Variants in MN1 observed in about 807,000 individuals in gnomAD.
MN1 encodes transcriptional activator MN1.
In MN1, 19 loss-of-function variants were observed where a neutral mutation model predicts 86.9. The ratio of observed to expected loss-of-function variants is 0.22; its 90% CI spans 0.15 to 0.32. The LOEUF is 0.32. MN1 is among the 10% of genes least tolerant of loss of function. The pLI, the probability that MN1 is intolerant of heterozygous loss-of-function variation, is 1.00. For synonymous variants in MN1, 928 were observed against 849.6 expected (o/e 1.09, Z -1.60); for missense variants, 1,841 against 1,862.0 (o/e 0.99, Z 0.21).
At chr22:27,792,345 T>C (rs13054844) in intron 1 of MN1, among the ~76,000 whole-genome samples, 2 of 133,070 alleles carry the variant, frequency 1.5e-5, no homozygotes, top group African/African-American at 5.6e-5. Context: ...TATATATATA[T>C]ATATATGAAT....
chr22:27,775,039 C>T (rs894217269), intron 1 of MN1, among the ~76,000 whole-genome samples: 1 of 152,232 alleles, frequency 6.6e-6, no homozygotes, highest in South Asian at 2.1e-4. Flanking sequence ...ATGTCTCATG[C>T]TGAGGAGCAG....
chr22:27,772,266 G>A (rs2073279245), intron 1 of MN1, among the ~76,000 whole-genome samples: 2 of 152,348 alleles, frequency 1.3e-5, no homozygotes, highest in African/African-American at 4.8e-5. Context: ...CTGCCTCGCT[G>A]TGTCTCAGCA....
chr22:27,765,552 AC>A (rs1350609397), intron 1 of MN1, among the ~76,000 whole-genome samples: 2 of 152,080 alleles, frequency 1.3e-5, no homozygotes, highest in African/African-American at 4.8e-5. Context: ...GCCTCTGAGG[AC>A]CCCCGTGTGG....
At chr22:27,785,353 G>A (rs1188054341) in intron 1 of MN1, among the ~76,000 whole-genome samples, 2 of 152,340 alleles carry the variant, frequency 1.3e-5, no homozygotes, top group Non-Finnish European at 2.9e-5. Context: ...AACACAGGCA[G>A]GGATGGGGCC....
chr22:27,751,272 C>T (rs1444742902), intron 1 of MN1, among the ~76,000 whole-genome samples, 176 bp from the exon 2 acceptor site: 1 of 152,156 alleles, frequency 6.6e-6, no homozygotes, highest in Non-Finnish European at 1.5e-5. Flanking sequence ...TTGCTGTTAC[C>T]CCTGATTCAT....
chr22:27,776,642 C>A (rs914932377), intron 1 of MN1, among the ~76,000 whole-genome samples: 12 of 152,012 alleles, frequency 7.9e-5, no homozygotes, highest in Non-Finnish European at 1.2e-4. Flanking sequence ...TGGTTCTGGC[C>A]TCCCCACTTT....
At position 27,798,483 on chromosome 22, in the gene MN1, G is replaced by T; in HGVS notation, c.2061C>A (p.Pro687=). 6.4e-7 allele frequency: 1 copy of T among 1,559,450 alleles called. No individual in the cohort carries two copies. The highest frequency in any genetic ancestry group is 8.6e-7 in the Non-Finnish European group (1 of 1,162,892). ...GCAGCGCGGGCACGTGGCCCTCTCC[G>T]GGCATCCTCATCGGCTCCTGCAGAG... The part of the protein sequence containing the change: ...RGPLQEPMRM[P]GEGHVPALPS... Residue 687 remains proline (P), a synonymous_variant, in exon 1 of 2, where the codon CCC becomes CCA. Coordinates refer to ENST00000302326, the MANE Select transcript of MN1 (RefSeq NM_002430.3).
rs1280161219 is a variant in MN1, at chr22:27,801,435, G to A, written c.-892C>T. 1 of 207,564 alleles carries A rather than the reference G, an allele frequency of 4.8e-6. No homozygotes were observed. Among genetic ancestry groups the A allele is most frequent in the African/African-American group, 2.3e-5 (1 of 43,728 alleles). 12.9% of individuals were successfully genotyped at this position (207,564 alleles called of 1,614,324 possible). On this transcript the variant is annotated 5_prime_UTR_variant, in exon 1 of 2. Transcript: ENST00000302326. ...CCGGAGTCTCCGCGCACCGTTGCAG[G>A]CGCGGGAGGGCAGCGAGACGAGGGG...
At chr22:27,771,546 TGAAAAAAAGTCAAAA>T (rs1932916508) in intron 1 of MN1, among the ~76,000 whole-genome samples, 1 of 152,066 alleles carries the variant, frequency 6.6e-6, no homozygotes, top group South Asian at 2.1e-4. Flanking sequence ...TTTTAATGGT[TGAAAAAAAGTCAAAA>T]GAAGATACTT....
chr22:27,768,219 T>A (rs190687436), intron 1 of MN1, among the ~76,000 whole-genome samples: 3 of 152,260 alleles, frequency 2.0e-5, no homozygotes, highest in African/African-American at 4.8e-5. Flanking sequence ...AACACCTTCA[T>A]GTTTCCTGGA....
chr22:27,797,529 G>T lies in MN1; in HGVS notation c.3015C>A (p.Leu1005=). The change falls in exon 1 of 2, where the codon CTC becomes CTA. Residue 1005 remains leucine (L), a synonymous_variant. Transcript: ENST00000302326. Reference sequence around the variant, plus strand: ...CCCCCTTCCCCCAGGATGGCGACGTGAGCGCCTTTTCGTGGGGCGTCGGTG... The same window carrying T: ...CCCCCTTCCCCCAGGATGGCGACGTTAGCGCCTTTTCGTGGGGCGTCGGTG... The part of the protein sequence containing the change: ...RGAPTPHEKA[L]TSPSWGKGAE... 6.2e-7 allele frequency: 1 copy of T among 1,608,392 alleles called. No homozygotes were observed. Among genetic ancestry groups the T allele is most frequent in the Non-Finnish European group, 8.5e-7 (1 of 1,178,354 alleles).
Position 27,800,702 on chromosome 22 carries a change from CG to C in MN1, c.-160del. The C allele has an allele frequency of 1.2e-6, 1 of 813,152 alleles. No individual in the cohort carries two copies. The highest frequency in any genetic ancestry group is 1.9e-6 in the Non-Finnish European group (1 of 520,282). 50.4% of individuals were successfully genotyped at this position (813,152 alleles called of 1,614,324 possible). ...CCTCCACCCCGCCTGATGTGAGGGACGGGGGGCGGGGTATTAGCTCCTCTCC... is the reference window on the plus strand; with the variant it reads ...CCTCCACCCCGCCTGATGTGAGGGACGGGGGCGGGGTATTAGCTCCTCTCC... On this transcript the variant is annotated 5_prime_UTR_variant, in exon 1 of 2. Coordinates refer to ENST00000302326, the MANE Select transcript of MN1 (RefSeq NM_002430.3).
chr22:27,764,279 T>C (rs1189459415), intron 1 of MN1, among the ~76,000 whole-genome samples: 1 of 152,200 alleles, frequency 6.6e-6, no homozygotes, highest in African/African-American at 2.4e-5. Flanking sequence ...CCTTGTATTC[T>C]CCAACTCTAA....
chr22:27,796,843 G>T lies in MN1; in HGVS notation c.3701C>A (p.Ala1234Asp). ...SAAWYMPADK[A>D]LVDSADDDKT... Reference sequence around the variant, plus strand: ...GTCGTCGTCCGCGCTGTCCACCAGGGCCTTGTCAGCGGGCATGTACCAGGC... The same window carrying T: ...GTCGTCGTCCGCGCTGTCCACCAGGTCCTTGTCAGCGGGCATGTACCAGGC... Residue 1234 changes from alanine (A) to aspartate (D), a missense_variant, in exon 1 of 2, where the codon GCC (alanine) becomes GAC (aspartate). By Grantham distance (126) the Ala-to-Asp change is moderately radical. Coordinates refer to ENST00000302326, the MANE Select transcript of MN1 (RefSeq NM_002430.3). 6.2e-7 allele frequency: 1 copy of T among 1,612,744 alleles called. No homozygotes were observed.
At chr22:27,790,938 C>A (rs935901699) in intron 1 of MN1, among the ~76,000 whole-genome samples, 1 of 152,178 alleles carries the variant, frequency 6.6e-6, no homozygotes, top group African/African-American at 2.4e-5. Context: ...GACTCACGCT[C>A]ATTCAGTCCT....
In MN1 at chr22:27,798,528, C is replaced by G. The variant is rs1601345260; in HGVS notation, c.2016G>C (p.Ser672=). ...SLAPPPPPGG[S]GVLFRGPLQE... is the part of the protein sequence containing the mutation. The stretch of plus-strand genomic sequence containing the variant: ...GCAGAGGGCCCCGGAACAGCACCCC[C>G]GAGCCACCAGGCGGAGGAGGGGGCG... The change falls in exon 1 of 2, where the codon TCG becomes TCC. Residue 672 remains serine (S), a synonymous_variant. Transcript: ENST00000302326. The G allele has an allele frequency of 5.3e-6, 8 of 1,523,494 alleles. No homozygotes were observed. The highest frequency in any genetic ancestry group is 5.2e-6 in the Non-Finnish European group (6 of 1,146,388). The allele number at this position is 1,523,494 out of a possible 1,614,324, so 94.4% of individuals were successfully genotyped here. A position where few individuals can be genotyped will look rare whatever the true frequency, so the allele number is the denominator to read the frequency against.
In MN1 at chr22:27,750,654, G is replaced by A; in HGVS notation, c.*261C>T. ...AGGCTTAAGCAAAAGTTTGCTAACT[G>A]CAGAAGGGTTAACACTGGTAACATA... On this transcript the variant is annotated 3_prime_UTR_variant, in exon 2 of 2. Transcript: ENST00000302326. The A allele has an allele frequency of 3.0e-6, 1 of 334,372 alleles. No individual in the cohort carries two copies. Among genetic ancestry groups the A allele is most frequent in the Non-Finnish European group, 5.4e-6 (1 of 185,334 alleles). 20.7% of individuals were successfully genotyped at this position (334,372 alleles called of 1,614,324 possible). A position where few individuals can be genotyped will look rare whatever the true frequency, so the allele number is the denominator to read the frequency against.
chr22:27,799,295 G>T lies in MN1; in HGVS notation c.1249C>A (p.Arg417=), dbSNP rs755462103. ...GGCTCGGAATAAGGGTGCATGCTCC[G>T]GTTCTCCAGCCGGTGGATGGGATAC... ...FEYPIHRLEN[R]SMHPYSEPVF... The change falls in exon 1 of 2, where the codon CGG becomes AGG. Residue 417 remains arginine (R), a synonymous_variant. Coordinates refer to ENST00000302326, the MANE Select transcript of MN1 (RefSeq NM_002430.3). 2 of 1,589,590 alleles carry T rather than the reference G, an allele frequency of 1.3e-6. No homozygotes were observed. The highest frequency in any genetic ancestry group is 1.7e-6 in the Non-Finnish European group (2 of 1,168,250).
At chr22:27,751,793 T>A (rs1361011135) in intron 1 of MN1, among the ~76,000 whole-genome samples, 2 of 152,104 alleles carry the variant, frequency 1.3e-5, no homozygotes, top group Non-Finnish European at 2.9e-5. Context: ...ATACCCAGCT[T>A]GGCACAGCTG....
Sources: gnomAD v4.1 joint callset for allele counts (sites outside exome capture counted in the v4.1 genomes callset) on GRCh38, gnomAD v4.1.1 for gene constraint, MANE v1.5 for transcripts, NCBI Gene and HGNC (gene_info 2026-07-23, HGNC 2026-07-21) for gene names.